PCNX1: variants seen among roughly 807,000 people sequenced by gnomAD.
PCNX1 encodes pecanex-like protein 1.
A neutral mutation model predicts 242.2 loss-of-function variants in PCNX1; 78 were observed. That is an observed-to-expected ratio of 0.32 (90% CI 0.27 to 0.39). PCNX1 has a LOEUF of 0.39. Among genes scored for constraint, PCNX1 ranks in the 10% least tolerant of loss-of-function variants. The pLI, the probability that PCNX1 is intolerant of heterozygous loss-of-function variation, is 1.00. For synonymous variants in PCNX1, 1,024 were observed against 1,032.9 expected, an observed-to-expected ratio of 0.99 and a Z score of 0.17; for missense variants, 2,581 against 2,856.5, an observed-to-expected ratio of 0.90 and a Z score of 2.20.
At chr14:71,010,637 G>C (rs964167683) in intron 9 of PCNX1, among the ~76,000 whole-genome samples, 4 of 151,864 alleles carry the variant, frequency 2.6e-5, no homozygotes, top group Non-Finnish European at 5.9e-5. Context: ...CTAAAATTTT[G>C]ATCTTATTGC....
intron 6 of PCNX1, among the ~76,000 whole-genome samples, chr14:70,984,707 C>G (rs1027660624): frequency 6.6e-6 from 1 of 152,020 alleles, no homozygotes; most frequent in African/African-American, 2.4e-5. Flanking sequence ...TAAATAGCAT[C>G]TTTATCTGTG....
chr14:71,041,457 T>G (rs2060701942), intron 19 of PCNX1, among the ~76,000 whole-genome samples: 1 of 152,168 alleles, frequency 6.6e-6, no homozygotes. Flanking sequence ...AATTAATCCA[T>G]TTTCTCTAGA....
At chr14:71,046,922 A>G (rs751220338) in intron 20 of PCNX1, 42 bp from the exon 21 acceptor site, 3 of 1,517,026 alleles carry the variant, frequency 2.0e-6, no homozygotes, top group Non-Finnish European at 2.7e-6. Flanking sequence ...GACAAACTAT[A>G]CATTTGATGA....
In PCNX1 at chr14:71,051,958, C is replaced by G. The variant is rs1367719399; in HGVS notation, c.4523C>G (p.Ala1508Gly). The G allele has an allele frequency of 6.2e-7, 1 of 1,612,050 alleles. No homozygotes were observed. The highest frequency in any genetic ancestry group is 8.5e-7 in the Non-Finnish European group (1 of 1,178,260). The change falls in exon 24 of 36, where the codon GCA becomes GGA. Residue 1508 changes from alanine to glycine, a missense_variant. Physicochemically the swap from Ala to Gly is moderately conservative, Grantham distance 60. Around this residue, in one of 9 missense-constraint regions of PCNX1, gnomAD observed 99 missense variants for 147.3 expected, o/e 0.67. Coordinates refer to ENST00000304743, the MANE Select transcript of PCNX1 (RefSeq NM_014982.3). ...CCACTGAACCCCTTTCTGGGAAGTGCAATATTCATCACTTCATATGTCCGA... is the reference window on the plus strand; with the variant it reads ...CCACTGAACCCCTTTCTGGGAAGTGGAATATTCATCACTTCATATGTCCGA... ...STPLNPFLGS[A>G]IFITSYVRPV...
At position 70,988,687 on chromosome 14, in the gene PCNX1, G is replaced by A. The variant is rs746849226; in HGVS notation, c.2432G>A (p.Gly811Glu). 1 of 1,613,826 alleles carries A rather than the reference G, an allele frequency of 6.2e-7. No homozygotes were observed. Among genetic ancestry groups the A allele is most frequent in the Admixed American group, 1.7e-5 (1 of 60,008 alleles). ...SNPTPPTLLI[G>E]SPLSLQDGQQ... ...CCTACCCCTCCTACATTGCTCATCG[G>A]ATCACCCCTAAGGTATGGTATTTTC... The change falls in exon 7 of 36, where the codon GGA becomes GAA. Residue 811 changes from glycine to glutamate, a missense_variant. Physicochemically the swap from Gly to Glu is moderately conservative, Grantham distance 98. Transcript: ENST00000304743.
intron 33 of PCNX1, among the ~76,000 whole-genome samples, chr14:71,106,199 C>T (rs1010993637): frequency 4.0e-5 from 6 of 151,044 alleles, no homozygotes; most frequent in Admixed American, 1.3e-4. Context: ...TTGTATTTTT[C>T]GTAGAGACGA....
Position 71,026,815 on chromosome 14 carries a change from G to T in PCNX1, c.3399G>T (p.Leu1133=). The T allele has an allele frequency of 6.3e-7, 1 of 1,584,338 alleles. No individual in the cohort carries two copies. Among genetic ancestry groups the T allele is most frequent in the Non-Finnish European group, 8.7e-7 (1 of 1,154,438 alleles). Residue 1133 remains leucine, a synonymous_variant, in exon 15 of 36, where the codon CTG becomes CTT. Transcript: ENST00000304743. ...CFPIVFFIGL[L]PQVNTFVMYL... ...CAATAGTGTTTTTCATTGGTCTCCTGCCTCAGGTGAATACATTTGTAATGT... is the reference window on the plus strand; with the variant it reads ...CAATAGTGTTTTTCATTGGTCTCCTTCCTCAGGTGAATACATTTGTAATGT...
intron 1 of PCNX1, among the ~76,000 whole-genome samples, chr14:70,936,478 A>C (rs4048500): frequency 6.6e-6 from 1 of 151,924 alleles, no homozygotes; most frequent in African/African-American, 2.4e-5. Context: ...TTTTATGGTT[A>C]CATAGTATTC....
chr14:71,038,390 C>T (rs1269094994), intron 19 of PCNX1, among the ~76,000 whole-genome samples: 23 of 143,476 alleles, frequency 1.6e-4, no homozygotes, highest in African/African-American at 6.0e-4. Context: ...AAAAAACAAA[C>T]AACCCCATCA....
At chr14:70,986,600 G>A (rs1037382159) in intron 6 of PCNX1, among the ~76,000 whole-genome samples, 4 of 152,116 alleles carry the variant, frequency 2.6e-5, no homozygotes, top group South Asian at 2.1e-4. Flanking sequence ...AAAGAAAACC[G>A]TCTCATGTTT....
chr14:71,059,578 G>A (rs544552543), intron 26 of PCNX1, among the ~76,000 whole-genome samples: 2 of 151,948 alleles, frequency 1.3e-5, no homozygotes, highest in African/African-American at 2.4e-5. Context: ...CTTTTGTATA[G>A]ATAGGAGTCT....
At position 70,978,763 on chromosome 14, in the gene PCNX1, T is replaced by C. The variant is rs78560437; in HGVS notation, c.2311+115T>C. On this transcript the variant is annotated intron_variant, in intron 6 of 35. Transcript: ENST00000304743. ...TAATATTCCCCCTTCCACTGTGTTA[T>C]TAAAATAAGCTTTCTTGAATGAAGA... 2.9e-3 allele frequency: 2,736 copies of C among 936,012 alleles called. 49 individuals carry two copies. In the East Asian group the frequency reaches 0.039, roughly 13 times the overall value. The allele number at this position is 936,012 out of a possible 1,614,324, so 58.0% of individuals were successfully genotyped here.
At chr14:71,072,395 T>C (rs968162043) in intron 26 of PCNX1, among the ~76,000 whole-genome samples, 3 of 152,188 alleles carry the variant, frequency 2.0e-5, no homozygotes, top group African/African-American at 7.2e-5. Flanking sequence ...TATGGAAGTG[T>C]TGGTGACAGT....
At chr14:71,079,272 T>A (rs1392054458) in intron 28 of PCNX1, among the ~76,000 whole-genome samples, 1 of 152,224 alleles carries the variant, frequency 6.6e-6, no homozygotes, top group South Asian at 2.1e-4. Context: ...TGGTTCCAAG[T>A]CTTTGCTATT....
intron 25 of PCNX1, among the ~76,000 whole-genome samples, chr14:71,056,312 A>G (rs554286588): frequency 2.0e-5 from 3 of 152,362 alleles, no homozygotes; most frequent in Middle Eastern, 3.4e-3. Context: ...GACCATCGTC[A>G]TCATGTTCTG....
chr14:71,102,294 A>C, intron 31 of PCNX1, 74 bp downstream of exon 31: 1 of 978,486 alleles, frequency 1.0e-6, no homozygotes, highest in Admixed American at 2.0e-5. Flanking sequence ...TTTTTTTTTG[A>C]GACAGAGTCT....
chr14:71,110,639 T>A lies in PCNX1; in HGVS notation c.*704T>A, dbSNP rs982576599. ...CAGGTAGCAGGAACTGTGCTGCTCATTTTTCTGTTAGTAGTGTGTACTTCA... is the reference window on the plus strand; with the variant it reads ...CAGGTAGCAGGAACTGTGCTGCTCAATTTTCTGTTAGTAGTGTGTACTTCA... On this transcript the variant is annotated 3_prime_UTR_variant, in exon 36 of 36. Transcript: ENST00000304743. 3.3e-5 allele frequency: 5 copies of A among 152,410 alleles called. No individual in the cohort carries two copies. The highest frequency in any genetic ancestry group is 6.5e-5 in the Admixed American group (1 of 15,284). 9.4% of individuals were successfully genotyped at this position (152,410 alleles called of 1,614,324 possible).
chr14:70,945,008 T>C (rs910427289), intron 1 of PCNX1, among the ~76,000 whole-genome samples: 1 of 152,192 alleles, frequency 6.6e-6, no homozygotes, highest in Non-Finnish European at 1.5e-5. Flanking sequence ...TATTTCTTCA[T>C]AGCAGCATGA....
intron 5 of PCNX1, among the ~76,000 whole-genome samples, chr14:70,974,232 G>GTT (rs1285287570): frequency 1.4e-5 from 2 of 142,840 alleles, no homozygotes; most frequent in Non-Finnish European, 3.1e-5. Flanking sequence ...TGGAATTGTG[G>GTT]TTTTTTTTGT....
Sources: allele counts gnomAD v4.1 joint callset (sites outside exome capture counted in the v4.1 genomes callset), GRCh38; gene constraint gnomAD v4.1.1; regional missense constraint gnomAD v4.1.1; transcripts MANE v1.5; gene names NCBI Gene and HGNC (gene_info 2026-07-23, HGNC 2026-07-21).